Variants in CDYL2 observed in about 807,000 individuals in gnomAD.
The protein encoded by CDYL2 is chromodomain Y like 2.
CDYL2 carries 23 observed loss-of-function variants against 49.4 expected under a neutral mutation model. The ratio of observed to expected loss-of-function variants is 0.47; its 90% CI spans 0.34 to 0.66. The LOEUF (loss-of-function observed/expected upper bound fraction) is 0.66, where lower values mean the gene tolerates loss of function less well. Among genes scored for constraint, CDYL2 ranks in the 30% least tolerant of loss-of-function variants. The pLI is 0.01. For synonymous variants in CDYL2, 360 were observed against 268.8 expected (o/e 1.34, Z -3.32); for missense variants, 678 against 656.4 (o/e 1.03, Z -0.36).
At chr16:80,768,609 C>A (rs1906806542) in intron 1 of CDYL2, among the ~76,000 whole-genome samples, 1 of 152,128 alleles carries the variant, frequency 6.6e-6, no homozygotes, top group Non-Finnish European at 1.5e-5. Context: ...GGGTACTAAT[C>A]CCATCTATGT....
intron 1 of CDYL2, among the ~76,000 whole-genome samples, chr16:80,745,826 G>C (rs1037759347): frequency 7.2e-5 from 11 of 152,204 alleles, no homozygotes; most frequent in African/African-American, 2.4e-4. Flanking sequence ...GGTTTCTCCA[G>C]CGACCTTCCA....
At chr16:80,692,036 A>C (rs1304314876) in intron 1 of CDYL2, among the ~76,000 whole-genome samples, 1 of 152,216 alleles carries the variant, frequency 6.6e-6, no homozygotes, top group East Asian at 1.9e-4. Context: ...GAAAGCACTA[A>C]GGAAAATGAG....
chr16:80,686,298 T>C (rs1468336451), intron 1 of CDYL2, among the ~76,000 whole-genome samples: 1 of 152,234 alleles, frequency 6.6e-6, no homozygotes, highest in Non-Finnish European at 1.5e-5. Context: ...TCATTTAGTA[T>C]TCTTTCAACT....
At chr16:80,723,288 C>A (rs562454038) in intron 1 of CDYL2, among the ~76,000 whole-genome samples, 5 of 152,326 alleles carry the variant, frequency 3.3e-5, no homozygotes, top group African/African-American at 4.8e-5. Flanking sequence ...GGGAGCTGTG[C>A]CCAGAAGGGT....
intron 1 of CDYL2, among the ~76,000 whole-genome samples, chr16:80,705,022 C>T (rs527398081): frequency 6.9e-4 from 105 of 152,280 alleles, no homozygotes; most frequent in African/African-American, 2.3e-3. Flanking sequence ...GTGAGTTCCT[C>T]GTGGGCAGAT....
At chr16:80,672,275 T>C (rs951999065) in intron 2 of CDYL2, among the ~76,000 whole-genome samples, 1 of 150,802 alleles carries the variant, frequency 6.6e-6, no homozygotes, top group Middle Eastern at 3.4e-3. Flanking sequence ...ATACGCTATA[T>C]TGAGCAGAAA....
At chr16:80,729,377 G>A (rs1446985597) in intron 1 of CDYL2, among the ~76,000 whole-genome samples, 1 of 152,024 alleles carries the variant, frequency 6.6e-6, no homozygotes, top group Non-Finnish European at 1.5e-5. Flanking sequence ...ATGGTAAAGG[G>A]ATCAATTCAA....
At chr16:80,776,760 T>G (rs892026402) in intron 1 of CDYL2, among the ~76,000 whole-genome samples, 1 of 151,878 alleles carries the variant, frequency 6.6e-6, no homozygotes, top group African/African-American at 2.4e-5. Flanking sequence ...TTCATAAATT[T>G]TAAACCCAGG....
intron 1 of CDYL2, among the ~76,000 whole-genome samples, chr16:80,753,337 G>A (rs1208782319): frequency 2.6e-5 from 4 of 151,986 alleles, no homozygotes; most frequent in South Asian, 4.2e-4. Context: ...GGCCGGGCAC[G>A]GTGGCTCACA....
chr16:80,640,683 T>C (rs1241386589), intron 2 of CDYL2, among the ~76,000 whole-genome samples: 2 of 152,076 alleles, frequency 1.3e-5, no homozygotes, highest in Non-Finnish European at 2.9e-5. Flanking sequence ...CTGAGGAAAC[T>C]CAGAGAAATT....
chr16:80,649,432 T>C (rs1338678607), intron 2 of CDYL2, among the ~76,000 whole-genome samples: 1 of 152,014 alleles, frequency 6.6e-6, no homozygotes. Flanking sequence ...TAACCAAAGA[T>C]GTGAAAGATC....
At chr16:80,633,299 T>A in intron 2 of CDYL2, 63 bp from the exon 3 acceptor site, 1 of 1,516,998 alleles carries the variant, frequency 6.6e-7, no homozygotes, top group Non-Finnish European at 9.0e-7. Context: ...AAGGATGTGA[T>A]CAGAGGACGT....
chr16:80,709,894 T>G (rs1904535376), intron 1 of CDYL2, among the ~76,000 whole-genome samples: 1 of 152,020 alleles, frequency 6.6e-6, no homozygotes, highest in Non-Finnish European at 1.5e-5. Context: ...CCGTAAGCCC[T>G]ATTTTTTAAT....
In CDYL2 at chr16:80,684,596, T is replaced by C. The variant is rs1479600750; in HGVS notation, c.558A>G (p.Gly186=). The change falls in exon 2 of 7, where the codon GGA becomes GGG. Residue 186 remains glycine, a synonymous_variant. Coordinates refer to ENST00000570137, the MANE Select transcript of CDYL2 (RefSeq NM_152342.4). ...CGTCACATTCACCCATATCTTGCTC[T>C]CCAACATGATCATTCAAATCCAAGC... ...QPGLDLNDHV[G]EQDMGECDVN... is the part of the protein sequence containing the mutation. 3.1e-6 allele frequency: 5 copies of C among 1,614,208 alleles called. 1 individual carries two copies. In the South Asian group the frequency reaches 5.5e-5, roughly 18 times the overall value.
chr16:80,718,413 G>A (rs569925028), intron 1 of CDYL2, among the ~76,000 whole-genome samples: 1 of 152,240 alleles, frequency 6.6e-6, no homozygotes, highest in Admixed American at 6.5e-5. Context: ...GGGGAGGTTA[G>A]GACTATCATA....
In CDYL2 at chr16:80,782,819, T is replaced by C. The variant is rs928168920; in HGVS notation, c.24+21331A>G. On this transcript the variant is annotated intron_variant, in intron 1 of 6. Coordinates refer to ENST00000570137, the MANE Select transcript of CDYL2 (RefSeq NM_152342.4). ...ACCCTATTATGATTAAAAATAAAAT[T>C]TTGAAAAACTAGTAATAAAATGAAA... Among the ~76,000 whole-genome samples the C allele has an allele frequency of 5.3e-5, 8 of 151,928 alleles. No individual in the cohort carries two copies. The East Asian group carries it at 1.2e-3, about 22-fold the overall frequency.
At chr16:80,666,986 G>A (rs570919458) in intron 2 of CDYL2, among the ~76,000 whole-genome samples, 19 of 152,304 alleles carry the variant, frequency 1.2e-4, no homozygotes, top group African/African-American at 4.1e-4. Flanking sequence ...GAGATTACCC[G>A]AATAATCAGT....
At chr16:80,684,105 T>TG (rs1206360393) in intron 2 of CDYL2, among the ~76,000 whole-genome samples, 1 of 152,176 alleles carries the variant, frequency 6.6e-6, no homozygotes, top group Non-Finnish European at 1.5e-5. Flanking sequence ...CCTACCTCTC[T>TG]GGGCTACACT....
In CDYL2 at chr16:80,793,849, C is replaced by G. The variant is rs377238667; in HGVS notation, c.24+10301G>C. On this transcript the variant is annotated intron_variant, in intron 1 of 6. Coordinates refer to ENST00000570137, the MANE Select transcript of CDYL2 (RefSeq NM_152342.4). The stretch of plus-strand genomic sequence containing the variant: ...CCGAGAATAATAAAGCCTGTTTTCA[C>G]TAATAGCAAAATTTTTTAATGAGGC... 5.3e-4 allele frequency among the ~76,000 whole-genome samples: 80 copies of G among 152,288 alleles called. 1 individual carries two copies. In the East Asian group the frequency reaches 0.01, roughly 19 times the overall value.
Sources: gnomAD v4.1 joint callset for allele counts (sites outside exome capture counted in the v4.1 genomes callset) on GRCh38, gnomAD v4.1.1 for gene constraint, MANE v1.5 for transcripts, NCBI Gene and HGNC (gene_info 2026-07-23, HGNC 2026-07-21) for gene names.